GALNT13: variants seen among roughly 807,000 people sequenced by gnomAD.
The protein encoded by GALNT13 is polypeptide N-acetylgalactosaminyltransferase 13.
Under a neutral mutation model 64.2 loss-of-function variants are expected in GALNT13, and 28 were observed. The observed-to-expected ratio is 0.44, with a 90% CI of 0.32 to 0.60. GALNT13 has a LOEUF of 0.60. Among genes scored for constraint, GALNT13 ranks in the 20% least tolerant of loss-of-function variants. The pLI is 0.05. For synonymous variants in GALNT13, 214 were observed against 224.6 expected (o/e 0.95, Z 0.42); for missense variants, 577 against 669.8 (o/e 0.86, Z 1.53).
intron 3 of GALNT13, among the ~76,000 whole-genome samples, chr2:154,085,072 T>G (rs563760181): frequency 6.6e-6 from 1 of 152,068 alleles, no homozygotes; most frequent in African/African-American, 2.4e-5. Context: ...AACTGATCTA[T>G]ATTTATGTTC....
the GALNT13 span, among the ~76,000 whole-genome samples, chr2:153,555,339 C>A: frequency 7.4e-6 from 1 of 135,652 alleles, no homozygotes. Flanking sequence ...GGACTACAGG[C>A]GCCCGCTACC....
chr2:154,411,731 A>G (rs1699805530), intron 11 of GALNT13, among the ~76,000 whole-genome samples: 1 of 151,844 alleles, frequency 6.6e-6, no homozygotes, highest in Admixed American at 6.6e-5. Flanking sequence ...TTTACCGCAC[A>G]TTTTTCTGCA....
intron 10 of GALNT13, among the ~76,000 whole-genome samples, chr2:154,398,958 CAGAAAGTTT>C (rs1314106130): frequency 6.6e-6 from 1 of 152,144 alleles, no homozygotes; most frequent in African/African-American, 2.4e-5. Context: ...AACTGACACA[CAGAAAGTTT>C]ATGTGCTTGG....
chr2:153,372,631 C>T, the GALNT13 span, among the ~76,000 whole-genome samples: 2,011 of 148,478 alleles, frequency 0.014, 50 homozygotes, highest in African/African-American at 0.047. Flanking sequence ...GGTGACAGAG[C>T]GAGACTCTGT....
the GALNT13 span, among the ~76,000 whole-genome samples, chr2:153,256,575 G>GT: frequency 6.6e-6 from 1 of 152,152 alleles, no homozygotes; most frequent in African/African-American, 2.4e-5. Context: ...TTTCTGCTCT[G>GT]TTTTTTCCCC....
the GALNT13 span, among the ~76,000 whole-genome samples, chr2:153,804,160 T>A: frequency 6.6e-6 from 1 of 151,704 alleles, no homozygotes; most frequent in African/African-American, 2.4e-5. Flanking sequence ...ATAAGTAAGG[T>A]TTTTGTTGTT....
chr2:153,169,587 C>T, the GALNT13 span, among the ~76,000 whole-genome samples: 1 of 152,126 alleles, frequency 6.6e-6, no homozygotes, highest in Non-Finnish European at 1.5e-5. Flanking sequence ...AAAGCTGTAG[C>T]TCACTGACCA....
chr2:154,177,272 G>A (rs1394874629), intron 4 of GALNT13, among the ~76,000 whole-genome samples: 1 of 152,046 alleles, frequency 6.6e-6, no homozygotes, highest in African/African-American at 2.4e-5. Context: ...AACCTAAAAT[G>A]CATATTGCTA....
chr2:153,792,972 T>TTCTTTC, the GALNT13 span, among the ~76,000 whole-genome samples: 1 of 137,530 alleles, frequency 7.3e-6, no homozygotes, highest in Non-Finnish European at 1.6e-5. Context: ...CTTTCTTTCT[T>TTCTTTC]TTTTTTTTTT....
chr2:153,510,967 T>A, the GALNT13 span, among the ~76,000 whole-genome samples: 6 of 151,898 alleles, frequency 4.0e-5, no homozygotes, highest in Admixed American at 2.0e-4. Context: ...AAGAGCAGAT[T>A]CACTGGAGAG....
At chr2:153,281,283 A>G in the GALNT13 span, among the ~76,000 whole-genome samples, 2 of 149,304 alleles carry the variant, frequency 1.3e-5, no homozygotes, top group African/African-American at 4.9e-5. Flanking sequence ...TACATGTAAG[A>G]TGAGTCTCTT....
chr2:153,674,353 T>A, the GALNT13 span, among the ~76,000 whole-genome samples: 10 of 151,854 alleles, frequency 6.6e-5, no homozygotes, highest in African/African-American at 2.4e-4. Context: ...CCAAAACAGA[T>A]ATATAGACCA....
chr2:154,116,626 C>T (rs1305908680), intron 3 of GALNT13, among the ~76,000 whole-genome samples: 1 of 152,150 alleles, frequency 6.6e-6, no homozygotes, highest in East Asian at 1.9e-4. Flanking sequence ...AACTCCTTGC[C>T]TCACATGAGC....
chr2:154,058,445 A>G (rs1700010145), intron 3 of GALNT13, among the ~76,000 whole-genome samples: 1 of 152,262 alleles, frequency 6.6e-6, no homozygotes, highest in Non-Finnish European at 1.5e-5. Flanking sequence ...TAATACAGGT[A>G]GAATATTATA....
At chr2:153,812,745 C>T in the GALNT13 span, among the ~76,000 whole-genome samples, 1 of 152,232 alleles carries the variant, frequency 6.6e-6, no homozygotes, top group African/African-American at 2.4e-5. Flanking sequence ...ATACCCAGAG[C>T]TTTTCCAGCA....
At chr2:154,316,126 A>G (rs1226962114) in intron 9 of GALNT13, among the ~76,000 whole-genome samples, 1 of 152,162 alleles carries the variant, frequency 6.6e-6, no homozygotes, top group Admixed American at 6.5e-5. Flanking sequence ...AAACAGTTAA[A>G]TGTTTATAAT....
the GALNT13 span, among the ~76,000 whole-genome samples, chr2:153,546,929 A>T: frequency 2.0e-5 from 3 of 152,174 alleles, no homozygotes; most frequent in African/African-American, 7.2e-5. Context: ...AGATTATATA[A>T]ATGAATTTAT....
the GALNT13 span, among the ~76,000 whole-genome samples, chr2:153,862,582 T>G: frequency 3.3e-5 from 5 of 152,254 alleles, no homozygotes; most frequent in Non-Finnish European, 5.9e-5. Flanking sequence ...CACTCATAAA[T>G]TAGGCATATC....
intron 2 of GALNT13, among the ~76,000 whole-genome samples, chr2:153,915,763 T>G (rs775262335): frequency 2.0e-5 from 3 of 152,296 alleles, no homozygotes; most frequent in Non-Finnish European, 4.4e-5. Flanking sequence ...AGATGACTTC[T>G]GCAGCCTAGC....
Sources: gnomAD v4.1 joint callset for allele counts (sites outside exome capture counted in the v4.1 genomes callset) on GRCh38, gnomAD v4.1.1 for gene constraint, MANE v1.5 for transcripts, NCBI Gene and HGNC (gene_info 2026-07-23, HGNC 2026-07-21) for gene names.